DLGAP2: variants seen among roughly 807,000 people sequenced by gnomAD.
DLGAP2 encodes the protein DLG associated protein 2.
A neutral mutation model predicts 100.3 loss-of-function variants in DLGAP2; 26 were observed. The observed-to-expected ratio is 0.26, with a 90% CI of 0.19 to 0.36. DLGAP2 has a LOEUF of 0.36. DLGAP2 is among the 10% of genes least tolerant of loss of function. DLGAP2 has a pLI of 1.00. For synonymous variants in DLGAP2, 886 were observed against 630.1 expected, an observed-to-expected ratio of 1.41 and a Z score of -6.08; for missense variants, 1,858 against 1,453.2, an observed-to-expected ratio of 1.28 and a Z score of -4.53.
intron 7 of DLGAP2, among the ~76,000 whole-genome samples, chr8:1,631,973 G>A (rs1245965741): frequency 1.3e-5 from 2 of 152,164 alleles, no homozygotes; most frequent in Non-Finnish European, 2.9e-5. Flanking sequence ...CAATGTATCT[G>A]CCAACATAAT....
chr8:1,372,594 G>T (rs572402869), intron 3 of DLGAP2, among the ~76,000 whole-genome samples: 1 of 152,164 alleles, frequency 6.6e-6, no homozygotes, highest in African/African-American at 2.4e-5. Context: ...GGAGCTCTTT[G>T]TGAAAGAGGT....
chr8:1,020,789 C>T (rs1801604109), intron 2 of DLGAP2, among the ~76,000 whole-genome samples: 1 of 152,182 alleles, frequency 6.6e-6, no homozygotes, highest in Admixed American at 6.5e-5. Context: ...GCTGGGGCTC[C>T]AGCCACGGGT....
intron 1 of DLGAP2, among the ~76,000 whole-genome samples, chr8:740,778 ACTC>A (rs1465197408): frequency 6.6e-6 from 1 of 152,130 alleles, no homozygotes; most frequent in African/African-American, 2.4e-5. Flanking sequence ...AAGCTTCATG[ACTC>A]CTCAGTTATC....
chr8:1,398,015 C>T (rs993695660), intron 3 of DLGAP2, among the ~76,000 whole-genome samples: 2 of 22,684 alleles, frequency 8.8e-5, no homozygotes, highest in African/African-American at 3.9e-4. Context: ...CCTCCTTGTC[C>T]TCCTGAGTCG....
intron 2 of DLGAP2, among the ~76,000 whole-genome samples, chr8:1,249,292 C>T (rs1051346725): frequency 6.6e-6 from 1 of 152,134 alleles, no homozygotes; most frequent in Non-Finnish European, 1.5e-5. Context: ...CTGTGGGTCC[C>T]GTGGGAAGGT....
chr8:1,007,410 C>A (rs1801150545), intron 2 of DLGAP2, among the ~76,000 whole-genome samples: 1 of 152,244 alleles, frequency 6.6e-6, no homozygotes, highest in Non-Finnish European at 1.5e-5. Context: ...TTTCCTGCTA[C>A]CTTTGAATAT....
chr8:1,441,366 T>C (rs961910458), intron 3 of DLGAP2, among the ~76,000 whole-genome samples: 1 of 152,172 alleles, frequency 6.6e-6, no homozygotes, highest in Non-Finnish European at 1.5e-5. Context: ...GTTCACTGTT[T>C]CTGAGAGCGA....
intron 4 of DLGAP2, among the ~76,000 whole-genome samples, chr8:1,543,995 C>T (rs1801450145): frequency 6.6e-6 from 1 of 152,082 alleles, no homozygotes; most frequent in African/African-American, 2.4e-5. Flanking sequence ...CTTGAACTCC[C>T]AGACTCAAGC....
chr8:871,351 A>T (rs1404159700), intron 1 of DLGAP2, among the ~76,000 whole-genome samples: 1 of 152,200 alleles, frequency 6.6e-6, no homozygotes, highest in Admixed American at 6.5e-5. Flanking sequence ...TTCCATTTGC[A>T]CTTTGGGTTA....
At chr8:768,327 C>G (rs1821266694) in intron 1 of DLGAP2, among the ~76,000 whole-genome samples, 1 of 151,752 alleles carries the variant, frequency 6.6e-6, no homozygotes, top group Non-Finnish European at 1.5e-5. Context: ...TACAGTCACT[C>G]AGACAAATTA....
intron 8 of DLGAP2, among the ~76,000 whole-genome samples, chr8:1,657,096 T>C (rs1798302223): frequency 6.6e-6 from 1 of 152,200 alleles, no homozygotes; most frequent in African/African-American, 2.4e-5. Flanking sequence ...AATAGGTATT[T>C]TTTTTTTAAA....
intron 1 of DLGAP2, among the ~76,000 whole-genome samples, chr8:801,757 C>T (rs4735930): frequency 0.23 from 35,311 of 152,170 alleles, 4,992 homozygotes; most frequent in Admixed American, 0.43. Flanking sequence ...TGAGAAATAA[C>T]GTTCACAATA....
chr8:1,256,596 CG>C (rs1799226449), intron 2 of DLGAP2, among the ~76,000 whole-genome samples: 1 of 129,144 alleles, frequency 7.7e-6, no homozygotes, highest in African/African-American at 4.2e-5. Flanking sequence ...CTCTCCTGCC[CG>C]GGTGCTGTGT....
chr8:1,418,397 G>C (rs1584879772), intron 3 of DLGAP2, among the ~76,000 whole-genome samples: 1 of 152,122 alleles, frequency 6.6e-6, no homozygotes. Context: ...GCTAATTAAT[G>C]GATTTGATTC....
chr8:994,106 T>A (rs1216799602), intron 2 of DLGAP2, among the ~76,000 whole-genome samples: 1 of 152,188 alleles, frequency 6.6e-6, no homozygotes, highest in African/African-American at 2.4e-5. Context: ...GTATTAGAAA[T>A]CGCCACTGCA....
intron 3 of DLGAP2, among the ~76,000 whole-genome samples, chr8:1,319,593 G>T (rs1159848703): frequency 6.6e-6 from 1 of 152,204 alleles, no homozygotes; most frequent in Admixed American, 6.5e-5. Context: ...TAGGAAGGTA[G>T]GCTTGCTGGA....
intron 8 of DLGAP2, among the ~76,000 whole-genome samples, chr8:1,641,578 C>T (rs868080197): frequency 4.6e-5 from 7 of 152,252 alleles, no homozygotes; most frequent in South Asian, 4.1e-4. Flanking sequence ...TGACAACGAT[C>T]TGCGTCTGTC....
At chr8:1,289,543 C>G (rs1194490545) in intron 3 of DLGAP2, among the ~76,000 whole-genome samples, 2 of 152,204 alleles carry the variant, frequency 1.3e-5, no homozygotes, top group African/African-American at 4.8e-5. Flanking sequence ...TTGCTCCTTT[C>G]GTTCCTTGTG....
chr8:819,659 A>G (rs375245882), intron 1 of DLGAP2, among the ~76,000 whole-genome samples: 15 of 152,358 alleles, frequency 9.8e-5, no homozygotes, highest in African/African-American at 3.4e-4. Context: ...ACTGTGCATG[A>G]CAGAGTAGTG....
Sources: allele counts gnomAD v4.1 joint callset (sites outside exome capture counted in the v4.1 genomes callset), GRCh38; gene constraint gnomAD v4.1.1; transcripts MANE v1.5; gene names NCBI Gene and HGNC (gene_info 2026-07-23, HGNC 2026-07-21).